The following ABCA10 variants were observed in gnomAD, a reference collection of about 807,000 sequenced individuals.
ABCA10 encodes ATP binding cassette subfamily A member 10.
A neutral mutation model predicts 187.5 loss-of-function variants in ABCA10; 169 were observed. That is an observed-to-expected ratio of 0.90 (90% CI 0.80 to 1.02). The LOEUF (loss-of-function observed/expected upper bound fraction) is 1.02. Among genes scored for constraint, ABCA10 ranks in the 50% least tolerant of loss-of-function variants. The pLI, the probability that ABCA10 is intolerant of heterozygous loss-of-function variation, is 0.00. For synonymous variants in ABCA10, 574 were observed against 601.8 expected (o/e 0.95, Z 0.68); for missense variants, 1,727 against 1,812.4 (o/e 0.95, Z 0.86).
At chr17:69,161,754 T>C (rs1729342585) in intron 27 of ABCA10, among the ~76,000 whole-genome samples, 1 of 152,168 alleles carries the variant, frequency 6.6e-6, no homozygotes, top group African/African-American at 2.4e-5. Context: ...AGAGCCCCTA[T>C]CAGAACATGA....
intron 6 of ABCA10, among the ~76,000 whole-genome samples, chr17:69,217,718 T>C (rs1305307775): frequency 6.6e-6 from 1 of 152,222 alleles, no homozygotes. Context: ...ACAAGAAGTG[T>C]GAGGGCTTTA....
intron 36 of ABCA10, among the ~76,000 whole-genome samples, chr17:69,151,536 G>C (rs1451457532): frequency 6.6e-6 from 1 of 152,120 alleles, no homozygotes. Flanking sequence ...ACAAGGGTTT[G>C]ATTACCATTA....
chr17:69,157,560 T>G (rs79889734), intron 27 of ABCA10, among the ~76,000 whole-genome samples: 2,699 of 152,188 alleles, frequency 0.018, 71 homozygotes, highest in African/African-American at 0.062. Context: ...CGCTGGATGG[T>G]CAAAACAAAA....
chr17:69,170,214 C>T (rs1166480542), intron 25 of ABCA10, among the ~76,000 whole-genome samples: 1 of 150,534 alleles, frequency 6.6e-6, no homozygotes, highest in South Asian at 2.1e-4. Context: ...CTTGAACCCG[C>T]GAGGTGAAGG....
At chr17:69,162,082 G>T (rs747583857) in intron 27 of ABCA10, among the ~76,000 whole-genome samples, 7 of 152,278 alleles carry the variant, frequency 4.6e-5, no homozygotes, top group Admixed American at 2.0e-4. Context: ...ACATAATTCC[G>T]ATTGAAAAAT....
chr17:69,183,503 G>A (rs2074396232), intron 20 of ABCA10, among the ~76,000 whole-genome samples: 2 of 152,236 alleles, frequency 1.3e-5, no homozygotes, highest in Non-Finnish European at 1.5e-5. Context: ...GAGGCGGCTT[G>A]CAGCTGCAGG....
intron 20 of ABCA10, among the ~76,000 whole-genome samples, chr17:69,183,444 C>A (rs2074395807): frequency 6.6e-6 from 1 of 152,072 alleles, no homozygotes; most frequent in African/African-American, 2.4e-5. Context: ...CAAGGGAGCT[C>A]TGGATTTAAA....
Position 69,215,919 on chromosome 17 carries a change from A to T in ABCA10, c.754T>A (p.Trp252Arg), listed in dbSNP as rs1349329870. ...GLAGFLFTVF[W>R]GCLGFTVLYR... Reference sequence around the variant, plus strand: ...AACACAGTGAATCCCAGACATCCCCAAAATACAGTGAAGAGAAATCCAGCC... The same window carrying T: ...AACACAGTGAATCCCAGACATCCCCTAAATACAGTGAAGAGAAATCCAGCC... The change falls in exon 8 of 39, where the codon TGG becomes AGG. Residue 252 changes from tryptophan (W) to arginine (R), a missense_variant. Physicochemically the swap from Trp to Arg is moderately radical, Grantham distance 101. Transcript: ENST00000690296. 1 of 1,614,016 alleles carries T rather than the reference A, an allele frequency of 6.2e-7. No homozygotes were observed. Among genetic ancestry groups the T allele is most frequent in the Non-Finnish European group, 8.5e-7 (1 of 1,179,918 alleles).
chr17:69,215,941 A>G lies in ABCA10; in HGVS notation c.732T>C (p.Ala244=). 6.2e-7 allele frequency: 1 copy of G among 1,614,002 alleles called. No homozygotes were observed. The highest frequency in any genetic ancestry group is 1.1e-5 in the South Asian group (1 of 91,024). Residue 244 remains alanine (A), a synonymous_variant, in exon 8 of 39, where the codon GCT becomes GCC. Coordinates refer to ENST00000690296, the MANE Select transcript of ABCA10 (RefSeq NM_001377321.1). ...LIRKPMLAGL[A]GFLFTVFWGC... ...CCCAAAATACAGTGAAGAGAAATCCAGCCAAACCAGCGAGCATAGGTTTCC... is the reference window on the plus strand; with the variant it reads ...CCCAAAATACAGTGAAGAGAAATCCGGCCAAACCAGCGAGCATAGGTTTCC...
At chr17:69,240,679 C>T (rs2074898433) in intron 1 of ABCA10, among the ~76,000 whole-genome samples, 1 of 152,228 alleles carries the variant, frequency 6.6e-6, no homozygotes, top group Non-Finnish European at 1.5e-5. Context: ...TGCCTGACTT[C>T]TCTACATCAT....
At chr17:69,197,865 T>C (rs922229278) in intron 10 of ABCA10, among the ~76,000 whole-genome samples, 4 of 152,222 alleles carry the variant, frequency 2.6e-5, no homozygotes, top group Admixed American at 6.5e-5. Flanking sequence ...CCCACTCTCA[T>C]GGCTTCAACT....
Position 69,154,252 on chromosome 17 carries a change from T to G in ABCA10, c.3769A>C (p.Lys1257Gln). Reference protein sequence around the residue: ...TSIKMITGCTKPTAGVVVLQG... With the variant: ...TSIKMITGCTQPTAGVVVLQG... ...TCACATACCACTCCTGCAGTTGGCT[T>G]TGTGCACCCAGTTATCATTTTAATG... Residue 1257 changes from lysine (K) to glutamine (Q), a missense_variant, in exon 31 of 39, where the codon AAG (lysine) becomes CAG (glutamine). By Grantham distance (53) the Lys-to-Gln change is moderately conservative. Transcript: ENST00000690296. The G allele has an allele frequency of 6.2e-7, 1 of 1,611,542 alleles. No homozygotes were observed. Among genetic ancestry groups the G allele is most frequent in the Non-Finnish European group, 8.5e-7 (1 of 1,179,106 alleles).
intron 5 of ABCA10, 32 bp downstream of exon 5, chr17:69,221,760 T>C (rs1197373584): frequency 3.9e-6 from 6 of 1,557,196 alleles, no homozygotes; most frequent in Admixed American, 3.5e-5. Flanking sequence ...AGAATACAGA[T>C]TTAAAATATA....
At chr17:69,184,849 ATGTGTGTGTG>A (rs139291537) in intron 20 of ABCA10, among the ~76,000 whole-genome samples, 5 of 144,082 alleles carry the variant, frequency 3.5e-5, no homozygotes, top group South Asian at 4.3e-4. Flanking sequence ...ATATATGTAT[ATGTGTGTGTG>A]TGTGTGTGTG....
intron 36 of ABCA10, among the ~76,000 whole-genome samples, chr17:69,150,820 C>A (rs1031256588): frequency 6.6e-6 from 1 of 152,192 alleles, no homozygotes. Context: ...CTGGACAGCA[C>A]AGAAAGGACA....
chr17:69,197,071 T>C lies in ABCA10; in HGVS notation c.1227A>G (p.Ala409=), dbSNP rs2074511457. ...GGGAGTTTTTCTTTTTACCTTGCAA[T>C]GCTTCTACTTTTCCAGTCTTTCCAT... ...EYNGKTGKVE[A]LQGIFFDIYE... is the part of the protein sequence containing the mutation. Residue 409 remains alanine (A), a synonymous_variant, in exon 11 of 39, where the codon GCA becomes GCG. Transcript: ENST00000690296. The C allele has an allele frequency of 6.3e-7, 1 of 1,585,904 alleles. No individual in the cohort carries two copies. Among genetic ancestry groups the C allele is most frequent in the Non-Finnish European group, 8.6e-7 (1 of 1,161,640 alleles).
chr17:69,243,672 A>G (rs985581236), intron 1 of ABCA10, among the ~76,000 whole-genome samples: 1 of 152,160 alleles, frequency 6.6e-6, no homozygotes, highest in Admixed American at 6.5e-5. Flanking sequence ...CCAAGGCAGG[A>G]GGATCCCTTA....
chr17:69,235,888 A>C (rs1315755560), intron 1 of ABCA10, among the ~76,000 whole-genome samples: 2 of 152,214 alleles, frequency 1.3e-5, no homozygotes. Context: ...ATTGTCCCCC[A>C]GCACAGTTAC....
chr17:69,185,718 A>G (rs2074416187), intron 19 of ABCA10, 75 bp from the exon 20 acceptor site: 1 of 1,240,078 alleles, frequency 8.1e-7, no homozygotes. Flanking sequence ...GATGCTATAT[A>G]AGTGCTAACT....
Sources: allele counts gnomAD v4.1 joint callset (sites outside exome capture counted in the v4.1 genomes callset), GRCh38; gene constraint gnomAD v4.1.1; transcripts MANE v1.5; gene names NCBI Gene and HGNC (gene_info 2026-07-23, HGNC 2026-07-21).